CCDC93: variants seen among roughly 807,000 people sequenced by gnomAD.
CCDC93 encodes the protein coiled-coil domain-containing protein 93.
Under a neutral mutation model 108.2 loss-of-function variants are expected in CCDC93, and 61 were observed. The ratio of observed to expected loss-of-function variants is 0.56; its 90% confidence interval spans 0.46 to 0.70. CCDC93 has a LOEUF of 0.70. CCDC93 is among the 30% of genes least tolerant of loss of function. The pLI, the probability that CCDC93 is intolerant of heterozygous loss-of-function variation, is 0.00. For synonymous variants in CCDC93, 276 were observed against 260.4 expected, an observed-to-expected ratio of 1.06 and a Z score of -0.58; for missense variants, 685 against 764.2, an observed-to-expected ratio of 0.90 and a Z score of 1.22.
chr2:117,938,191 A>G (rs1324762216), intron 20 of CCDC93, among the ~76,000 whole-genome samples: 1 of 152,168 alleles, frequency 6.6e-6, no homozygotes, highest in East Asian at 1.9e-4. Context: ...TGTCATCCCC[A>G]TTTTACAGGT....
chr2:117,995,593 C>T (rs963063584), intron 5 of CCDC93, 91 bp from the exon 6 acceptor site: 10 of 963,932 alleles, frequency 1.0e-5, no homozygotes, highest in Non-Finnish European at 1.7e-5. Flanking sequence ...ATTGACTTCT[C>T]ATCTCATCAC....
rs531027657 is a variant in CCDC93 at position 117,921,440 on chromosome 2, T to A, written c.1843-1044A>T. On this transcript the variant is annotated intron_variant, in intron 23 of 23. Coordinates refer to ENST00000376300, the MANE Select transcript of CCDC93 (RefSeq NM_019044.5). ...CCTCCATCTGCTAGCAAACCTCCAATAACTCTGACCCCATTCTCTGGGCAG... is the reference window on the plus strand; with the variant it reads ...CCTCCATCTGCTAGCAAACCTCCAAAAACTCTGACCCCATTCTCTGGGCAG... 5.3e-4 allele frequency among the ~76,000 whole-genome samples: 81 copies of A among 152,128 alleles called. No individual in the cohort carries two copies. The South Asian group carries it at 9.6e-3, about 18-fold the overall frequency.
chr2:118,006,942 G>A, intron 2 of CCDC93, 126 bp from the exon 3 acceptor site: 5 of 628,746 alleles, frequency 8.0e-6, no homozygotes, highest in African/African-American at 1.8e-5. Context: ...TATATCTTGA[G>A]AGAGAGAGTG....
chr2:117,917,595 AAAC>A lies in CCDC93; in HGVS notation c.*2745_*2747del, dbSNP rs765211477. 1 of 152,298 alleles carries A rather than the reference AAAC, an allele frequency of 6.6e-6. No homozygotes were observed. Among genetic ancestry groups the A allele is most frequent in the Non-Finnish European group, 1.5e-5 (1 of 68,050 alleles). 9.4% of individuals were successfully genotyped at this position (152,298 alleles called of 1,614,324 possible). A position where few individuals can be genotyped will look rare whatever the true frequency, so the allele number is the denominator to read the frequency against. ...CAAACTGGGAATTTGCCCTCTGTTA[AAAC>A]AACCCTCAGTGTGACTCTGACGACT... On this transcript the variant is annotated 3_prime_UTR_variant, in exon 24 of 24. Transcript: ENST00000376300.
At chr2:117,987,085 C>A (rs948776118) in intron 6 of CCDC93, among the ~76,000 whole-genome samples, 1 of 150,860 alleles carries the variant, frequency 6.6e-6, no homozygotes, top group Non-Finnish European at 1.5e-5. Context: ...CATACTGACA[C>A]CAACAGCTAA....
chr2:117,956,882 C>A (rs937284500), intron 12 of CCDC93, among the ~76,000 whole-genome samples: 1 of 114,964 alleles, frequency 8.7e-6, no homozygotes, highest in Non-Finnish European at 1.7e-5. Flanking sequence ...AAAATGCCAA[C>A]TGGTACCCAT....
At chr2:117,992,023 G>C (rs964583628) in intron 6 of CCDC93, among the ~76,000 whole-genome samples, 1 of 152,082 alleles carries the variant, frequency 6.6e-6, no homozygotes, top group Non-Finnish European at 1.5e-5. Context: ...GACAGAGCTC[G>C]CTAAGAAACC....
rs777157270 is a variant in CCDC93 at position 117,996,387 on chromosome 2, G to A, written c.364-25C>T. On this transcript the variant is annotated intron_variant, in intron 4 of 23. Transcript: ENST00000376300. Reference sequence around the variant, plus strand: ...ACTGGGGAAGAAAGTGAAAAGACAAGAGTTGCTAAGGACAACATCCCACTG... The same window carrying A: ...ACTGGGGAAGAAAGTGAAAAGACAAAAGTTGCTAAGGACAACATCCCACTG... 8 of 1,538,520 alleles carry A rather than the reference G, an allele frequency of 5.2e-6. No homozygotes were observed. In the Admixed American group the frequency reaches 1.2e-4, roughly 22 times the overall value.
chr2:117,994,796 A>C (rs1253035526), intron 6 of CCDC93, among the ~76,000 whole-genome samples: 2 of 152,250 alleles, frequency 1.3e-5, no homozygotes. Context: ...ATGCAAAACA[A>C]CACAACACAT....
chr2:117,938,407 A>G (rs1309467834), intron 20 of CCDC93, among the ~76,000 whole-genome samples: 1 of 152,230 alleles, frequency 6.6e-6, no homozygotes, highest in Admixed American at 6.5e-5. Flanking sequence ...GAGTTTTTAA[A>G]TGTTAAAAAG....
intron 6 of CCDC93, among the ~76,000 whole-genome samples, chr2:117,992,297 T>C (rs964635442): frequency 2.6e-5 from 4 of 152,260 alleles, no homozygotes; most frequent in Non-Finnish European, 4.4e-5. Context: ...GGGTGGAGTA[T>C]AGTGGCATAA....
chr2:117,933,798 C>T (rs899171985), intron 22 of CCDC93, among the ~76,000 whole-genome samples: 3 of 149,378 alleles, frequency 2.0e-5, no homozygotes, highest in Non-Finnish European at 3.0e-5. Context: ...ACATTCAAAG[C>T]GTATCTGGAG....
At chr2:117,938,825 A>G (rs1015378731) in intron 20 of CCDC93, among the ~76,000 whole-genome samples, 1 of 152,132 alleles carries the variant, frequency 6.6e-6, no homozygotes, top group Non-Finnish European at 1.5e-5. Flanking sequence ...ATGGCTGTCT[A>G]CCAGTCTCAC....
chr2:117,995,706 A>T (rs1259187842), intron 5 of CCDC93: 5 of 519,900 alleles, frequency 9.6e-6, no homozygotes, highest in Non-Finnish European at 1.7e-5. Flanking sequence ...ATCCCTACAC[A>T]GCCAGTAAGA....
intron 7 of CCDC93, among the ~76,000 whole-genome samples, chr2:117,985,111 A>C (rs1448150027): frequency 6.7e-6 from 1 of 149,840 alleles, no homozygotes; most frequent in Admixed American, 6.7e-5. Flanking sequence ...GAAACAGACT[A>C]GTTTTTATTC....
chr2:117,974,123 T>G, intron 10 of CCDC93, 129 bp from the exon 11 acceptor site: 1 of 723,042 alleles, frequency 1.4e-6, no homozygotes, highest in Non-Finnish European at 2.4e-6. Context: ...GGAAATAATT[T>G]GGCTTTGCCA....
Position 117,919,927 on chromosome 2 carries a change from G to C in CCDC93, c.*416C>G, listed in dbSNP as rs1481918713. The C allele has an allele frequency of 6.4e-6, 1 of 155,684 alleles. No homozygotes were observed. The highest frequency in any genetic ancestry group is 2.4e-5 in the African/African-American group (1 of 41,524). 9.6% of individuals were successfully genotyped at this position (155,684 alleles called of 1,614,324 possible). ...CCACCTGCTGGGTACTTGTGCAGTA[G>C]GAACTGTGTTTTACACGTCTCTGAA... On this transcript the variant is annotated 3_prime_UTR_variant, in exon 24 of 24. Coordinates refer to ENST00000376300, the MANE Select transcript of CCDC93 (RefSeq NM_019044.5).
intron 9 of CCDC93, 78 bp downstream of exon 9, chr2:117,975,110 G>C: frequency 7.6e-7 from 1 of 1,316,608 alleles, no homozygotes; most frequent in South Asian, 1.3e-5. Flanking sequence ...GGCCATTTGG[G>C]AACGCTAGGG....
intron 1 of CCDC93, among the ~76,000 whole-genome samples, chr2:118,009,859 C>T (rs1676977299): frequency 6.6e-6 from 1 of 152,042 alleles, no homozygotes; most frequent in South Asian, 2.1e-4. Flanking sequence ...ATAGGATTGC[C>T]TTAAAAATAA....
Sources: allele counts gnomAD v4.1 joint callset (sites outside exome capture counted in the v4.1 genomes callset), GRCh38; gene constraint gnomAD v4.1.1; transcripts MANE v1.5; gene names NCBI Gene and HGNC (gene_info 2026-07-23, HGNC 2026-07-21).